The following KIRREL3 variants were observed in gnomAD, a reference collection of about 807,000 sequenced individuals.
KIRREL3 encodes the protein kirre like nephrin family adhesion molecule 3, also known as kin of IRRE-like protein 3.
In KIRREL3, 36 loss-of-function variants were observed where a neutral mutation model predicts 89.7. That is an observed-to-expected ratio of 0.40 (90% CI 0.31 to 0.53). The LOEUF (loss-of-function observed/expected upper bound fraction) is 0.53. Among genes scored for constraint, KIRREL3 ranks in the 20% least tolerant of loss-of-function variants. The probability of loss-of-function intolerance (pLI) is 0.49; values close to 1 mark genes in which losing one functional copy is unlikely to be tolerated. For synonymous variants in KIRREL3, 445 were observed against 441.4 expected (o/e 1.01, Z -0.10); for missense variants, 864 against 1,056.6 (o/e 0.82, Z 2.53).
At position 126,570,176 on chromosome 11, in the gene KIRREL3, A is replaced by C. The variant is rs1030108823; in HGVS notation, c.56-7264T>G. Among the ~76,000 whole-genome samples, 1 of 152,130 alleles carries C rather than the reference A, an allele frequency of 6.6e-6. No individual in the cohort carries two copies. Among genetic ancestry groups the C allele is most frequent in the Admixed American group, 6.5e-5 (1 of 15,282 alleles). ...ACCTGTTTTATAATTTTTGGATCTC[A>C]TTGCTTGCTAATTCTAAGTTTACTA... On this transcript the variant is annotated intron_variant, in intron 1 of 16. Coordinates refer to ENST00000525144, the MANE Select transcript of KIRREL3 (RefSeq NM_032531.4). This position sits in a 1 kb window ranked among gnomAD's most constrained non-coding sequence, Gnocchi z 6.1.
chr11:126,640,081 A>C lies in KIRREL3; in HGVS notation c.56-77169T>G, dbSNP rs988707879. Among the ~76,000 whole-genome samples, 8 of 152,292 alleles carry C rather than the reference A, an allele frequency of 5.3e-5. No individual in the cohort carries two copies. Among genetic ancestry groups the C allele is most frequent in the Admixed American group, 4.6e-4 (7 of 15,302 alleles). ...ATGAACGTGCCCAGAGAAGACAATTAATCTCCCACCTTCCCAAGCCAGTAC... is the reference window on the plus strand; with the variant it reads ...ATGAACGTGCCCAGAGAAGACAATTCATCTCCCACCTTCCCAAGCCAGTAC... On this transcript the variant is annotated intron_variant, in intron 1 of 16. Coordinates refer to ENST00000525144, the MANE Select transcript of KIRREL3 (RefSeq NM_032531.4). This position sits in a 1 kb window ranked among gnomAD's most constrained non-coding sequence, Gnocchi z 4.9.
chr11:126,706,891 C>A (rs1947550053), intron 1 of KIRREL3, among the ~76,000 whole-genome samples: 1 of 148,898 alleles, frequency 6.7e-6, no homozygotes, highest in African/African-American at 2.5e-5. Flanking sequence ...GAAATTAGCT[C>A]TTTATCAGTC....
At chr11:126,963,827 G>T (rs1281094867) in intron 1 of KIRREL3, among the ~76,000 whole-genome samples, 3 of 152,140 alleles carry the variant, frequency 2.0e-5, no homozygotes, top group African/African-American at 4.8e-5. Context: ...ACCTGAAAGT[G>T]GTTAAAAGTG....
At chr11:126,632,453 G>A (rs959785110) in intron 1 of KIRREL3, among the ~76,000 whole-genome samples, 1 of 152,174 alleles carries the variant, frequency 6.6e-6, no homozygotes, top group Admixed American at 6.5e-5. Flanking sequence ...GTTCAATTAA[G>A]TTATGATCTC....
At chr11:126,728,028 C>G (rs1592032228) in intron 1 of KIRREL3, among the ~76,000 whole-genome samples, 1 of 152,022 alleles carries the variant, frequency 6.6e-6, no homozygotes, top group Non-Finnish European at 1.5e-5. Context: ...GCCAGAGCCT[C>G]CTGATGCACC....
At chr11:126,674,641 C>A (rs996693909) in intron 1 of KIRREL3, among the ~76,000 whole-genome samples, 19 of 152,312 alleles carry the variant, frequency 1.2e-4, no homozygotes, top group African/African-American at 4.3e-4. Context: ...AAAGGAGATT[C>A]TTTTCATTTC....
chr11:126,603,379 C>T (rs908256864), intron 1 of KIRREL3, among the ~76,000 whole-genome samples: 3 of 152,162 alleles, frequency 2.0e-5, no homozygotes, highest in African/African-American at 7.2e-5. Context: ...AATGAGGGGG[C>T]AGAAGCTGCC....
chr11:126,769,213 G>A lies in KIRREL3; in HGVS notation c.56-206301C>T, dbSNP rs978294886. On this transcript the variant is annotated intron_variant, in intron 1 of 16. Transcript: ENST00000525144. The surrounding 1 kb of genome is among the most constrained non-coding windows in gnomAD (Gnocchi z 4.3). Reference sequence around the variant, plus strand: ...ACGCTTTCAACACATCTCTAATATGGCACACGGTGTAATACATTGCCATTA... The same window carrying A: ...ACGCTTTCAACACATCTCTAATATGACACACGGTGTAATACATTGCCATTA... 1.3e-5 allele frequency among the ~76,000 whole-genome samples: 2 copies of A among 152,058 alleles called. No homozygotes were observed. Among genetic ancestry groups the A allele is most frequent in the Non-Finnish European group, 2.9e-5 (2 of 68,018 alleles).
intron 1 of KIRREL3, among the ~76,000 whole-genome samples, chr11:126,937,988 A>G (rs1948278554): frequency 6.6e-6 from 1 of 152,188 alleles, no homozygotes; most frequent in South Asian, 2.1e-4. Context: ...AACCCCAAAG[A>G]GTCACAGAGA....
rs1943583441 is a variant in KIRREL3 at position 126,830,938 on chromosome 11, G to C, written c.55+169517C>G. Among the ~76,000 whole-genome samples, 1 of 152,070 alleles carries C rather than the reference G, an allele frequency of 6.6e-6. No homozygotes were observed. Among genetic ancestry groups the C allele is most frequent in the South Asian group, 2.1e-4 (1 of 4,810 alleles). On this transcript the variant is annotated intron_variant, in intron 1 of 16. Transcript: ENST00000525144. This position sits in a 1 kb window ranked among gnomAD's most constrained non-coding sequence, Gnocchi z 4.9. ...CGGCCACATATGCCTTCATTGATGT[G>C]AATAATACCACCCTGGGCATTACTA...
At position 126,683,890 on chromosome 11, in the gene KIRREL3, G is replaced by A. The variant is rs539252006; in HGVS notation, c.56-120978C>T. Among the ~76,000 whole-genome samples the A allele has an allele frequency of 3.3e-5, 5 of 152,318 alleles. No individual in the cohort carries two copies. In the East Asian group the frequency reaches 7.7e-4, roughly 24 times the overall value. ...TGGGTCCACCTACCGTCCATCTACCGGGGTCACTGAGTCACTCCTGCCCAG... is the reference window on the plus strand; with the variant it reads ...TGGGTCCACCTACCGTCCATCTACCAGGGTCACTGAGTCACTCCTGCCCAG... On this transcript the variant is annotated intron_variant, in intron 1 of 16. Coordinates refer to ENST00000525144, the MANE Select transcript of KIRREL3 (RefSeq NM_032531.4). The surrounding 1 kb of genome is among the most constrained non-coding windows in gnomAD (Gnocchi z 5.2).
At chr11:126,893,592 G>A (rs1383522825) in intron 1 of KIRREL3, among the ~76,000 whole-genome samples, 1 of 152,210 alleles carries the variant, frequency 6.6e-6, no homozygotes, top group Non-Finnish European at 1.5e-5. Context: ...TGGAATCAGC[G>A]CTGTGGAAGG....
chr11:126,512,284 G>A (rs576691004), intron 4 of KIRREL3, among the ~76,000 whole-genome samples: 1 of 152,352 alleles, frequency 6.6e-6, no homozygotes, highest in Non-Finnish European at 1.5e-5. Flanking sequence ...CTGATGATTT[G>A]GCTCTGAGGT....
chr11:126,735,371 C>T (rs903795438), intron 1 of KIRREL3, among the ~76,000 whole-genome samples: 5 of 152,162 alleles, frequency 3.3e-5, no homozygotes, highest in African/African-American at 1.2e-4. Context: ...CAACAGAGAC[C>T]ATTGCATGAC....
At position 126,535,920 on chromosome 11, in the gene KIRREL3, G is replaced by C. The variant is rs553742720; in HGVS notation, c.134-9233C>G. The stretch of plus-strand genomic sequence containing the variant: ...GAATCCATAGAACCTGGGAGGCGGA[G>C]GTTGCAGTGAGCCAAGATCGCACCA... On this transcript the variant is annotated intron_variant, in intron 2 of 16. Transcript: ENST00000525144. The surrounding 1 kb of genome is among the most constrained non-coding windows in gnomAD (Gnocchi z 4.5). 6.6e-6 allele frequency among the ~76,000 whole-genome samples: 1 copy of C among 152,316 alleles called. No homozygotes were observed. Among genetic ancestry groups the C allele is most frequent in the Admixed American group, 6.5e-5 (1 of 15,300 alleles).
intron 1 of KIRREL3, among the ~76,000 whole-genome samples, chr11:126,857,819 C>A (rs1944580864): frequency 6.7e-6 from 1 of 148,732 alleles, no homozygotes; most frequent in South Asian, 2.2e-4. Flanking sequence ...CTCTAGCTGC[C>A]TGGGATGTGA....
Position 126,797,320 on chromosome 11 carries a change from T to C in KIRREL3, c.55+203135A>G, listed in dbSNP as rs1326690824. 1.3e-5 allele frequency among the ~76,000 whole-genome samples: 2 copies of C among 152,356 alleles called. No individual in the cohort carries two copies. Among genetic ancestry groups the C allele is most frequent in the East Asian group, 3.9e-4 (2 of 5,186 alleles). ...AACAACATTGTTTCAAAGAGCTGTG[T>C]TGAGCATCAAATGCATCTGATTCTC... On this transcript the variant is annotated intron_variant, in intron 1 of 16. Coordinates refer to ENST00000525144, the MANE Select transcript of KIRREL3 (RefSeq NM_032531.4). This position sits in a 1 kb window ranked among gnomAD's most constrained non-coding sequence, Gnocchi z 4.9.
chr11:126,441,831 T>C lies in KIRREL3; in HGVS notation c.1253-1282A>G, dbSNP rs1187602118. On this transcript the variant is annotated intron_variant, in intron 10 of 16. Transcript: ENST00000525144. The surrounding 1 kb of genome is among the most constrained non-coding windows in gnomAD (Gnocchi z 5.0). ...TGAGGTGGGCGTGGGGGACCCTCCA[T>C]GGCTTTAAGAATGGGCTGAGCGCTG... Among the ~76,000 whole-genome samples, 11 of 152,126 alleles carry C rather than the reference T, an allele frequency of 7.2e-5. No homozygotes were observed. The highest frequency in any genetic ancestry group is 7.2e-4 in the Admixed American group (11 of 15,268).
In KIRREL3 at chr11:126,656,875, G is replaced by A. The variant is rs1945163682; in HGVS notation, c.56-93963C>T. Among the ~76,000 whole-genome samples the A allele has an allele frequency of 6.6e-6, 1 of 152,034 alleles. No homozygotes were observed. Among genetic ancestry groups the A allele is most frequent in the African/African-American group, 2.4e-5 (1 of 41,390 alleles). ...CAGACCAGCCTGGCTGTCGTGGTGG[G>A]ACCCCGTCTCTACTAGGAATACAGG... On this transcript the variant is annotated intron_variant, in intron 1 of 16. Coordinates refer to ENST00000525144, the MANE Select transcript of KIRREL3 (RefSeq NM_032531.4). This position sits in a 1 kb window ranked among gnomAD's most constrained non-coding sequence, Gnocchi z 4.0.
Sources: allele counts gnomAD v4.1 joint callset (sites outside exome capture counted in the v4.1 genomes callset), GRCh38; gene constraint gnomAD v4.1.1; non-coding constraint Gnocchi (gnomAD v3.1); transcripts MANE v1.5; gene names NCBI Gene and HGNC (gene_info 2026-07-23, HGNC 2026-07-21).